Variants in CNTN5 observed in about 807,000 individuals in gnomAD.
CNTN5 encodes contactin-5.
CNTN5 carries 77 observed loss-of-function variants against 129.1 expected under a neutral mutation model. The ratio of observed to expected loss-of-function variants is 0.60; its 90% CI spans 0.50 to 0.72. The LOEUF (loss-of-function observed/expected upper bound fraction) is 0.72. Among genes scored for constraint, CNTN5 ranks in the 30% least tolerant of loss-of-function variants. CNTN5 has a pLI of 0.00. For missense variants in CNTN5, 1,478 were observed against 1,328.8 expected (o/e 1.11, Z -1.75); for synonymous variants, 509 against 465.6 (o/e 1.09, Z -1.20).
chr11:100,326,243 G>A (rs1021347397), intron 21 of CNTN5, among the ~76,000 whole-genome samples: 1 of 152,048 alleles, frequency 6.6e-6, no homozygotes, highest in African/African-American at 2.4e-5. Context: ...GTGAAAGACA[G>A]AATAGATTTG....
intron 6 of CNTN5, among the ~76,000 whole-genome samples, chr11:99,912,634 T>C (rs560570945): frequency 3.4e-4 from 47 of 138,978 alleles, no homozygotes; most frequent in Non-Finnish European, 6.3e-4. Context: ...TATTATTGTA[T>C]GTTTTTCATA....
At chr11:99,461,262 G>C (rs1944686396) in intron 2 of CNTN5, among the ~76,000 whole-genome samples, 1 of 152,070 alleles carries the variant, frequency 6.6e-6, no homozygotes, top group African/African-American at 2.4e-5. Context: ...CAATTGTCAA[G>C]GTGTATGTTT....
intron 9 of CNTN5, among the ~76,000 whole-genome samples, chr11:100,024,318 C>A (rs932156755): frequency 3.3e-5 from 5 of 152,166 alleles, no homozygotes; most frequent in African/African-American, 1.2e-4. Flanking sequence ...TTTCCTGAGG[C>A]CTCCCCAGCC....
At chr11:99,957,949 A>G (rs573811664) in intron 8 of CNTN5, among the ~76,000 whole-genome samples, 19 of 151,964 alleles carry the variant, frequency 1.3e-4, no homozygotes, top group African/African-American at 4.3e-4. Flanking sequence ...GAAACTTCAT[A>G]AACTGTGAAG....
At chr11:99,163,420 G>A (rs1860714037) in intron 1 of CNTN5, among the ~76,000 whole-genome samples, 2 of 151,706 alleles carry the variant, frequency 1.3e-5, no homozygotes, top group Non-Finnish European at 2.9e-5. Flanking sequence ...ATGTATGCTA[G>A]TTTTCTCCAA....
intron 3 of CNTN5, among the ~76,000 whole-genome samples, chr11:99,702,143 A>T (rs937707954): frequency 6.6e-6 from 1 of 151,126 alleles, no homozygotes; most frequent in African/African-American, 2.4e-5. Context: ...AGAAGATATT[A>T]TGCAAATGCA....
intron 1 of CNTN5, among the ~76,000 whole-genome samples, chr11:99,261,705 A>C (rs1357720373): frequency 6.6e-6 from 1 of 152,024 alleles, no homozygotes; most frequent in Non-Finnish European, 1.5e-5. Flanking sequence ...ACATCATCAT[A>C]ATTACCCTCT....
chr11:100,041,667 A>G (rs2137680558), intron 9 of CNTN5, among the ~76,000 whole-genome samples: 1 of 152,384 alleles, frequency 6.6e-6, no homozygotes, highest in Middle Eastern at 3.4e-3. Flanking sequence ...TAGTTGGGAC[A>G]TAGGCTGACC....
intron 13 of CNTN5, among the ~76,000 whole-genome samples, chr11:100,163,009 T>G (rs1947507658): frequency 6.6e-6 from 1 of 151,844 alleles, no homozygotes; most frequent in African/African-American, 2.4e-5. Flanking sequence ...CATTATTGCC[T>G]TTGTGCCTCC....
rs533607669 is a variant in CNTN5, at chr11:99,696,029, TATTTA to T, written c.56-123511_56-123507del. Among the ~76,000 whole-genome samples the T allele has an allele frequency of 8.2e-3, 1,247 of 152,228 alleles. 9 individuals carry two copies. Among genetic ancestry groups the T allele is most frequent in the Non-Finnish European group, 0.014 (975 of 68,004 alleles). ...TTAAAAATATTTTTTACATTTCATATATTTAATTAGGATTTTTCAACATAGTTTTC... is the reference window on the plus strand; with the variant it reads ...TTAAAAATATTTTTTACATTTCATATATTAGGATTTTTCAACATAGTTTTC... On this transcript the variant is annotated intron_variant, in intron 3 of 24. Transcript: ENST00000524871.
intron 3 of CNTN5, among the ~76,000 whole-genome samples, chr11:99,586,661 A>G (rs769101736): frequency 1.3e-5 from 2 of 152,220 alleles, no homozygotes; most frequent in African/African-American, 2.4e-5. Flanking sequence ...TGGAGGGAAG[A>G]TACTATACCC....
rs953422064 is a variant in CNTN5 at position 99,328,301 on chromosome 11, C to G, written c.-71+2817C>G. On this transcript the variant is annotated intron_variant, in intron 2 of 24. Coordinates refer to ENST00000524871, the MANE Select transcript of CNTN5 (RefSeq NM_014361.4). ...ATGAATACTCGAAAGAATTTCTTAG[C>G]AATTAGAGTGTCCACAGCAATCTTT... Among the ~76,000 whole-genome samples, 19 of 152,078 alleles carry G rather than the reference C, an allele frequency of 1.2e-4. 1 individual carries two copies. The highest frequency in any genetic ancestry group is 1.2e-3 in the Admixed American group (19 of 15,254).
At chr11:99,227,732 TC>T (rs1457508801) in intron 1 of CNTN5, among the ~76,000 whole-genome samples, 1 of 152,158 alleles carries the variant, frequency 6.6e-6, no homozygotes, top group Non-Finnish European at 1.5e-5. Flanking sequence ...GTACTTTTCT[TC>T]CAGCTATATA....
chr11:99,839,999 A>G (rs553292674), intron 4 of CNTN5, among the ~76,000 whole-genome samples: 3 of 152,166 alleles, frequency 2.0e-5, no homozygotes, highest in African/African-American at 7.2e-5. Context: ...CACAGAAAAA[A>G]AAATCGTACA....
intron 3 of CNTN5, among the ~76,000 whole-genome samples, chr11:99,726,568 G>T (rs1426568215): frequency 6.6e-6 from 1 of 152,002 alleles, no homozygotes; most frequent in Admixed American, 6.6e-5. Flanking sequence ...TCTTACTTCA[G>T]GCAATATTCT....
chr11:99,370,156 T>C (rs1939739113), intron 2 of CNTN5, among the ~76,000 whole-genome samples: 1 of 152,158 alleles, frequency 6.6e-6, no homozygotes, highest in Admixed American at 6.5e-5. Context: ...TGTAGCAAAA[T>C]GAAGAAAGCC....
At chr11:99,581,651 C>A (rs922802731) in intron 3 of CNTN5, among the ~76,000 whole-genome samples, 1 of 152,142 alleles carries the variant, frequency 6.6e-6, no homozygotes, top group Non-Finnish European at 1.5e-5. Context: ...ACTAGGATTG[C>A]AACCCCTGCC....
At chr11:100,136,854 C>T (rs1424452683) in intron 13 of CNTN5, among the ~76,000 whole-genome samples, 1 of 151,344 alleles carries the variant, frequency 6.6e-6, no homozygotes, top group East Asian at 1.9e-4. Flanking sequence ...AATAATATGT[C>T]ATTTTATTTC....
At chr11:99,152,277 T>C (rs1271309700) in intron 1 of CNTN5, among the ~76,000 whole-genome samples, 3 of 152,210 alleles carry the variant, frequency 2.0e-5, no homozygotes, top group Non-Finnish European at 1.5e-5. Context: ...TTAAGAACTT[T>C]TAAAAAATAT....
Sources: gnomAD v4.1 joint callset for allele counts (sites outside exome capture counted in the v4.1 genomes callset) on GRCh38, gnomAD v4.1.1 for gene constraint, MANE v1.5 for transcripts, NCBI Gene and HGNC (gene_info 2026-07-23, HGNC 2026-07-21) for gene names.